GALNTL6: variants seen among roughly 807,000 people sequenced by gnomAD.
The protein encoded by GALNTL6 is polypeptide N-acetylgalactosaminyltransferase-like 6.
A neutral mutation model predicts 73.7 loss-of-function variants in GALNTL6; 46 were observed. The observed-to-expected ratio is 0.62, with a 90% CI of 0.49 to 0.80. The LOEUF is 0.80. Among genes scored for constraint, GALNTL6 ranks in the 30% least tolerant of loss-of-function variants. The pLI, the probability that GALNTL6 is intolerant of heterozygous loss-of-function variation, is 0.00. For missense variants in GALNTL6, 604 were observed against 755.0 expected, an observed-to-expected ratio of 0.80 and a Z score of 2.34; for synonymous variants, 259 against 263.7, an observed-to-expected ratio of 0.98 and a Z score of 0.17.
intron 7 of GALNTL6, among the ~76,000 whole-genome samples, chr4:172,823,978 G>A (rs1000375088): frequency 2.0e-5 from 3 of 152,072 alleles, no homozygotes; most frequent in African/African-American, 7.2e-5. Flanking sequence ...AGCTGTTGGG[G>A]GCAATGGGCT....
At chr4:172,477,224 A>G (rs933759984) in intron 5 of GALNTL6, among the ~76,000 whole-genome samples, 2 of 149,736 alleles carry the variant, frequency 1.3e-5, no homozygotes. Context: ...AAATATTATT[A>G]AATATTAAAT....
At chr4:172,174,029 C>T (rs1003583882) in intron 2 of GALNTL6, among the ~76,000 whole-genome samples, 1 of 152,084 alleles carries the variant, frequency 6.6e-6, no homozygotes, top group Non-Finnish European at 1.5e-5. Context: ...AGGAAAATAA[C>T]TTGGTTGTTT....
chr4:173,002,691 A>C (rs1752096587), intron 10 of GALNTL6, among the ~76,000 whole-genome samples: 1 of 149,550 alleles, frequency 6.7e-6, no homozygotes, highest in Non-Finnish European at 1.5e-5. Flanking sequence ...GCTACTTGGG[A>C]GGCTGAGGCA....
chr4:172,865,354 A>G (rs951013889), intron 7 of GALNTL6, among the ~76,000 whole-genome samples: 4 of 152,244 alleles, frequency 2.6e-5, no homozygotes, highest in African/African-American at 9.6e-5. Context: ...GCACAGCACC[A>G]CAAGACTACA....
At chr4:172,380,863 C>A (rs1743259927) in intron 5 of GALNTL6, among the ~76,000 whole-genome samples, 1 of 152,028 alleles carries the variant, frequency 6.6e-6, no homozygotes, top group East Asian at 1.9e-4. Flanking sequence ...TTGTTTATTC[C>A]TTTTCCTTTT....
chr4:171,816,993 T>C (rs1734541853), intron 2 of GALNTL6, among the ~76,000 whole-genome samples: 1 of 152,078 alleles, frequency 6.6e-6, no homozygotes, highest in Non-Finnish European at 1.5e-5. Flanking sequence ...AGGTTTTAAA[T>C]TGAAACATAA....
chr4:172,366,931 A>G (rs1742587708), intron 5 of GALNTL6, among the ~76,000 whole-genome samples: 1 of 152,220 alleles, frequency 6.6e-6, no homozygotes, highest in Non-Finnish European at 1.5e-5. Context: ...CTGCTAATTA[A>G]TTAGGTAACA....
intron 4 of GALNTL6, among the ~76,000 whole-genome samples, chr4:172,327,876 C>A (rs781580830): frequency 2.6e-5 from 4 of 151,766 alleles, no homozygotes; most frequent in Non-Finnish European, 5.9e-5. Flanking sequence ...TAAATGGGGG[C>A]CCATTTACAT....
chr4:171,816,849 T>A, intron 2 of GALNTL6, among the ~76,000 whole-genome samples: 1 of 152,022 alleles, frequency 6.6e-6, no homozygotes, highest in South Asian at 2.1e-4. Context: ...AAGTTTTGGG[T>A]AAGTAAGAGT....
At chr4:172,846,444 C>T (rs1743510716) in intron 7 of GALNTL6, among the ~76,000 whole-genome samples, 1 of 152,114 alleles carries the variant, frequency 6.6e-6, no homozygotes, top group African/African-American at 2.4e-5. Flanking sequence ...ATACACAGAA[C>T]ATAACCATAT....
chr4:172,049,211 C>T (rs1730744199), intron 2 of GALNTL6, among the ~76,000 whole-genome samples: 1 of 150,626 alleles, frequency 6.6e-6, no homozygotes, highest in African/African-American at 2.5e-5. Context: ...TTGTAAAATA[C>T]TGAGACTTCA....
chr4:172,241,154 G>A (rs1187243332), intron 3 of GALNTL6, among the ~76,000 whole-genome samples: 1 of 152,164 alleles, frequency 6.6e-6, no homozygotes, highest in African/African-American at 2.4e-5. Flanking sequence ...CCAGTAGATG[G>A]TGCTTAAGTG....
At chr4:172,282,790 C>T (rs1012152612) in intron 3 of GALNTL6, among the ~76,000 whole-genome samples, 9 of 151,734 alleles carry the variant, frequency 5.9e-5, no homozygotes, top group African/African-American at 1.7e-4. Context: ...ATTTTGGAGG[C>T]GTAATCAAAT....
At chr4:172,613,242 G>C (rs1029271620) in intron 5 of GALNTL6, among the ~76,000 whole-genome samples, 35 of 152,094 alleles carry the variant, frequency 2.3e-4, no homozygotes, top group African/African-American at 8.4e-4. Flanking sequence ...GATAATTTCT[G>C]TAGGAAAAAG....
chr4:172,676,250 G>A (rs1732295675), intron 5 of GALNTL6, among the ~76,000 whole-genome samples: 1 of 152,298 alleles, frequency 6.6e-6, no homozygotes, highest in African/African-American at 2.4e-5. Flanking sequence ...GTGAAGTGAA[G>A]AAAGACTACA....
intron 3 of GALNTL6, among the ~76,000 whole-genome samples, chr4:172,240,003 A>G (rs964342452): frequency 2.0e-5 from 3 of 152,076 alleles, no homozygotes; most frequent in African/African-American, 2.4e-5. Flanking sequence ...TTTTGCTTTC[A>G]TGTTGACCTT....
chr4:172,324,816 A>T (rs1361440400), intron 4 of GALNTL6, among the ~76,000 whole-genome samples: 1 of 151,008 alleles, frequency 6.6e-6, no homozygotes, highest in Non-Finnish European at 1.5e-5. Context: ...AATAGCATTT[A>T]TAAAGGACTC....
At chr4:172,555,449 T>C (rs1352671806) in intron 5 of GALNTL6, among the ~76,000 whole-genome samples, 1 of 152,094 alleles carries the variant, frequency 6.6e-6, no homozygotes, top group Non-Finnish European at 1.5e-5. Flanking sequence ...ATCTCAATTC[T>C]ACAAATGAAG....
rs149853249 is a variant in GALNTL6 at position 172,660,408 on chromosome 4, G to A, written c.554-148953G>A. ...GGCATCAACTTTACTGCCCATACAC[G>A]ATCATTAGCATTTCCCTTCACAGCT... On this transcript the variant is annotated intron_variant, in intron 5 of 12. Transcript: ENST00000506823. Among the ~76,000 whole-genome samples, 512 of 152,290 alleles carry A rather than the reference G, an allele frequency of 3.4e-3. 2 individuals carry two copies. Among genetic ancestry groups the A allele is most frequent in the African/African-American group, 0.011 (470 of 41,546 alleles).
Sources: gnomAD v4.1 joint callset for allele counts (sites outside exome capture counted in the v4.1 genomes callset) on GRCh38, gnomAD v4.1.1 for gene constraint, MANE v1.5 for transcripts, NCBI Gene and HGNC (gene_info 2026-07-23, HGNC 2026-07-21) for gene names.